The following LAMA1 variants were observed in gnomAD, a reference collection of about 807,000 sequenced individuals.
LAMA1 encodes laminin subunit alpha-1.
A neutral mutation model predicts 348.7 loss-of-function variants in LAMA1; 219 were observed. The observed-to-expected ratio is 0.63, with a 90% CI of 0.56 to 0.70. The LOEUF is 0.70. LAMA1 is among the 30% of genes least tolerant of loss of function. LAMA1 has a pLI of 0.00. For synonymous variants in LAMA1, 1,487 were observed against 1,491.0 expected, an observed-to-expected ratio of 1.00 and a Z score of 0.06; for missense variants, 3,744 against 3,888.0, an observed-to-expected ratio of 0.96 and a Z score of 0.99.
At chr18:6,960,358 T>C (rs768594155) in intron 53 of LAMA1, 26 of 152,270 alleles carry the variant, frequency 1.7e-4, no homozygotes, top group African/African-American at 5.8e-4. Flanking sequence ...AATGAAGTAC[T>C]GATCCATGCT....
chr18:7,043,996 A>T (rs1348566977), intron 7 of LAMA1, among the ~76,000 whole-genome samples: 1 of 151,988 alleles, frequency 6.6e-6, no homozygotes, highest in Non-Finnish European at 1.5e-5. Flanking sequence ...TCTACTAAAA[A>T]TACAAAAAAA....
rs754303766 is a variant in LAMA1 at position 7,015,800 on chromosome 18, G to T, written c.3048C>A (p.Cys1016Ter). 2 of 1,614,052 alleles carry T rather than the reference G, an allele frequency of 1.2e-6. No individual in the cohort carries two copies. Among genetic ancestry groups the T allele is most frequent in the Admixed American group, 3.3e-5 (2 of 60,014 alleles). Reference sequence around the variant, plus strand: ...ACTTCACACCCTGTGTGTGAGGGGGGCAGACACACTCTCCAGTTTCTGGGT... The same window carrying T: ...ACTTCACACCCTGTGTGTGAGGGGGTCAGACACACTCTCCAGTTTCTGGGT... The part of the protein sequence containing the change: ...TCDPETGECV[C>*]PPHTQGVKCE... The change falls in exon 22 of 63, where the codon TGC becomes TGA. Residue 1016 changes from cysteine (C) to a stop codon, truncating the protein, a stop_gained. Transcript: ENST00000389658. LOFTEE classifies it high-confidence loss of function.
In LAMA1 at chr18:6,977,867, T is replaced by G. The variant is rs745959506; in HGVS notation, c.6205A>C (p.Arg2069=). The G allele has an allele frequency of 1.3e-5, 21 of 1,612,650 alleles. No individual in the cohort carries two copies. The South Asian group carries it at 2.3e-4, about 18-fold the overall frequency. ...TGAATTTCCACGTCTTTGACTTTTC[T>G]TCCAGCCAACAGAGCTAACAAATAC... ...DSTMATLLAG[R]KVKDVEIQAN... Residue 2069 remains arginine, a synonymous_variant, in exon 44 of 63, where the codon AGA becomes CGA. Transcript: ENST00000389658.
chr18:7,027,977 C>G lies in LAMA1; in HGVS notation c.2275-1871G>C, dbSNP rs151058022. Reference sequence around the variant, plus strand: ...ACAAAAAAGCTATTATAAGCATGCTCAAAGACTTGAAGGAAACATAAAAAC... The same window carrying G: ...ACAAAAAAGCTATTATAAGCATGCTGAAAGACTTGAAGGAAACATAAAAAC... On this transcript the variant is annotated intron_variant, in intron 16 of 62. Transcript: ENST00000389658. 4.7e-3 allele frequency among the ~76,000 whole-genome samples: 708 copies of G among 152,046 alleles called. 3 individuals are homozygous for G. Among genetic ancestry groups the G allele is most frequent in the Admixed American group, 0.012 (178 of 15,254 alleles).
chr18:7,109,610 G>A (rs943133054), intron 1 of LAMA1, among the ~76,000 whole-genome samples: 2 of 152,136 alleles, frequency 1.3e-5, no homozygotes, highest in African/African-American at 4.8e-5. Flanking sequence ...TACATTTCAG[G>A]TGAGAGAGTC....
At chr18:6,979,762 G>C (rs541744469) in intron 42 of LAMA1, among the ~76,000 whole-genome samples, 1 of 151,736 alleles carries the variant, frequency 6.6e-6, no homozygotes, top group African/African-American at 2.4e-5. Context: ...AGCCGGGGAC[G>C]GTGGCGGGCG....
At chr18:7,062,529 G>A (rs1259426900) in intron 3 of LAMA1, among the ~76,000 whole-genome samples, 1 of 152,204 alleles carries the variant, frequency 6.6e-6, no homozygotes, top group Non-Finnish European at 1.5e-5. Context: ...GGTCACCGGA[G>A]CTGAAGGTCA....
At chr18:7,086,066 C>T (rs374217682) in intron 1 of LAMA1, among the ~76,000 whole-genome samples, 3 of 152,068 alleles carry the variant, frequency 2.0e-5, no homozygotes, top group Non-Finnish European at 2.9e-5. Flanking sequence ...TCAGAAAAAG[C>T]GGCTGAGAAT....
At chr18:6,975,116 T>A in intron 45 of LAMA1, 80 bp from the exon 46 acceptor site, 1 of 1,465,670 alleles carries the variant, frequency 6.8e-7, no homozygotes, top group East Asian at 2.4e-5. Context: ...CAGAGTCAAT[T>A]CTTACGGGGT....
intron 3 of LAMA1, among the ~76,000 whole-genome samples, chr18:7,057,915 C>A (rs1466725491): frequency 2.6e-5 from 4 of 152,012 alleles, no homozygotes; most frequent in Non-Finnish European, 4.4e-5. Context: ...CTGCCTCAGC[C>A]TCCCGAGTAG....
Position 6,994,012 on chromosome 18 carries a change from T to C in LAMA1, c.4897-260A>G, listed in dbSNP as rs188993341. On this transcript the variant is annotated intron_variant, in intron 34 of 62. Transcript: ENST00000389658. ...TATGTTTTTAAAAGCAGGCTAATTGTGTATTAAACTACAGATTCTCCTAGT... is the reference window on the plus strand; with the variant it reads ...TATGTTTTTAAAAGCAGGCTAATTGCGTATTAAACTACAGATTCTCCTAGT... Among the ~76,000 whole-genome samples the C allele has an allele frequency of 2.7e-3, 408 of 152,338 alleles. 1 individual carries two copies. Among genetic ancestry groups the C allele is most frequent in the African/African-American group, 9.4e-3 (391 of 41,582 alleles).
intron 29 of LAMA1, among the ~76,000 whole-genome samples, chr18:7,005,170 A>G (rs545272123): frequency 7.2e-5 from 11 of 152,326 alleles, no homozygotes; most frequent in African/African-American, 2.2e-4. Flanking sequence ...CTGAAGATTC[A>G]GGGCCTTTGG....
chr18:6,975,101 C>T, intron 45 of LAMA1, 65 bp from the exon 46 acceptor site: 1 of 1,553,304 alleles, frequency 6.4e-7, no homozygotes, highest in Non-Finnish European at 8.8e-7. Context: ...CACCACAACA[C>T]TTTACAGAGT....
intron 56 of LAMA1, 51 bp from the exon 57 acceptor site, chr18:6,955,516 A>T (rs781446150): frequency 5.9e-6 from 8 of 1,348,324 alleles, no homozygotes; most frequent in Non-Finnish European, 7.4e-6. Flanking sequence ...CCCGAACCCC[A>T]CTGACACACG....
intron 13 of LAMA1, 143 bp downstream of exon 13, chr18:7,035,843 TC>T (rs2057991893): frequency 2.8e-6 from 2 of 706,188 alleles, no homozygotes; most frequent in Non-Finnish European, 5.1e-6. Flanking sequence ...ATCTCAGTAG[TC>T]CCCACGCAAG....
intron 33 of LAMA1, among the ~76,000 whole-genome samples, chr18:6,995,840 T>C (rs2057778866): frequency 6.6e-6 from 1 of 152,132 alleles, no homozygotes; most frequent in Non-Finnish European, 1.5e-5. Flanking sequence ...ACTTTATAAA[T>C]ACTAAAAATA....
intron 1 of LAMA1, among the ~76,000 whole-genome samples, chr18:7,098,319 G>A (rs1167931407): frequency 6.6e-6 from 1 of 151,570 alleles, no homozygotes; most frequent in Non-Finnish European, 1.5e-5. Flanking sequence ...CATCGTCTGG[G>A]ATGTGAGGAG....
At chr18:7,037,381 A>G (rs2057999841) in intron 12 of LAMA1, among the ~76,000 whole-genome samples, 197 bp downstream of exon 12, 1 of 152,222 alleles carries the variant, frequency 6.6e-6, no homozygotes. Flanking sequence ...AGAAGTTCTT[A>G]TTTGAATAAT....
intron 62 of LAMA1, among the ~76,000 whole-genome samples, chr18:6,942,928 G>T (rs894512479): frequency 2.6e-5 from 4 of 152,142 alleles, no homozygotes; most frequent in Non-Finnish European, 4.4e-5. Context: ...ATTTACTTCG[G>T]TAGAGTCATA....
Sources: gnomAD v4.1 joint callset for allele counts (sites outside exome capture counted in the v4.1 genomes callset) on GRCh38, gnomAD v4.1.1 for gene constraint, MANE v1.5 for transcripts, NCBI Gene and HGNC (gene_info 2026-07-23, HGNC 2026-07-21) for gene names.